CLPTM1: variants seen among roughly 807,000 people sequenced by gnomAD.
The protein encoded by CLPTM1 is CLPTM1 regulator of GABA type A receptor forward trafficking, also known as putative lipid scramblase CLPTM1.
A neutral mutation model predicts 77.3 loss-of-function variants in CLPTM1; 21 were observed. The observed-to-expected ratio is 0.27, with a 90% CI of 0.19 to 0.39. CLPTM1 has a LOEUF of 0.39. CLPTM1 is among the 10% of genes least tolerant of loss of function. The pLI is 1.00. For synonymous variants in CLPTM1, 373 were observed against 381.0 expected (o/e 0.98, Z 0.24); for missense variants, 642 against 921.2 (o/e 0.70, Z 3.92).
At chr19:44,972,499 T>A (rs1488628163) in intron 2 of CLPTM1, among the ~76,000 whole-genome samples, 1 of 152,190 alleles carries the variant, frequency 6.6e-6, no homozygotes, top group Non-Finnish European at 1.5e-5. Flanking sequence ...TCCGCCCGCC[T>A]TGGCCTCCCA....
intron 2 of CLPTM1, among the ~76,000 whole-genome samples, chr19:44,966,690 G>GGT (rs1970634916): frequency 6.6e-6 from 1 of 151,984 alleles, no homozygotes; most frequent in Non-Finnish European, 1.5e-5. Context: ...ATTAGCTCAG[G>GGT]GTGCATCAGA....
At chr19:44,959,072 T>C (rs773567063) in intron 1 of CLPTM1, among the ~76,000 whole-genome samples, 8 of 152,230 alleles carry the variant, frequency 5.3e-5, no homozygotes, top group Non-Finnish European at 1.0e-4. Flanking sequence ...GTTGTTCCTT[T>C]TCACTGCTCA....
chr19:44,988,047 G>A (rs1368249059), intron 8 of CLPTM1, 33 bp from the exon 9 acceptor site: 1 of 1,517,384 alleles, frequency 6.6e-7, no homozygotes, highest in African/African-American at 1.4e-5. Flanking sequence ...CTCCTGGGTG[G>A]GGACAGGCTG....
chr19:44,978,601 C>G (rs1458704398), intron 5 of CLPTM1, among the ~76,000 whole-genome samples: 1 of 151,040 alleles, frequency 6.6e-6, no homozygotes, highest in Non-Finnish European at 1.5e-5. Context: ...CTACAGCTTT[C>G]CAGCCTGGGC....
chr19:44,989,748 C>T (rs952182921), intron 9 of CLPTM1, among the ~76,000 whole-genome samples: 5 of 152,138 alleles, frequency 3.3e-5, no homozygotes, highest in African/African-American at 4.8e-5. Flanking sequence ...GATGCTCAGC[C>T]GGGCGGGGTC....
chr19:44,963,403 G>A (rs1421957120), intron 2 of CLPTM1, among the ~76,000 whole-genome samples: 3 of 147,718 alleles, frequency 2.0e-5, no homozygotes, highest in African/African-American at 7.5e-5. Flanking sequence ...TTGGCTCACT[G>A]CAAGCTCCGC....
At chr19:44,955,629 G>A (rs1970451077) in intron 1 of CLPTM1, 162 bp downstream of exon 1, 3 of 643,540 alleles carry the variant, frequency 4.7e-6, no homozygotes, top group African/African-American at 3.8e-5. Flanking sequence ...CCGGGAGGCC[G>A]GACGGTGCCG....
rs1237291535 is a variant in CLPTM1 at position 44,973,337 on chromosome 19, C to T, written c.309+127C>T. On this transcript the variant is annotated intron_variant, in intron 3 of 13. Coordinates refer to ENST00000337392, the MANE Select transcript of CLPTM1 (RefSeq NM_001294.4). Reference sequence around the variant, plus strand: ...CACTGGCAGGTCTAGGAAAACAGGTCCAGGGTTGAGGAACTCTGGGCCCAT... The same window carrying T: ...CACTGGCAGGTCTAGGAAAACAGGTTCAGGGTTGAGGAACTCTGGGCCCAT... 1.1e-5 allele frequency: 14 copies of T among 1,315,970 alleles called. 1 individual carries two copies. In the South Asian group the frequency reaches 1.6e-4, roughly 15 times the overall value. The allele number at this position is 1,315,970 out of a possible 1,614,324, so 81.5% of individuals were successfully genotyped here.
chr19:44,990,815 G>A lies in CLPTM1; in HGVS notation c.1324-35G>A, dbSNP rs760862448. 3.1e-5 allele frequency: 48 copies of A among 1,557,560 alleles called. No homozygotes were observed. In the East Asian group the frequency reaches 3.8e-4, roughly 12 times the overall value. On this transcript the variant is annotated intron_variant, in intron 10 of 13. Coordinates refer to ENST00000337392, the MANE Select transcript of CLPTM1 (RefSeq NM_001294.4). The surrounding 1 kb of genome is among the most constrained non-coding windows in gnomAD (Gnocchi z 4.8). ...TCTGGCTTGTGGGGTGGGAGCCAGC[G>A]TAGCAACTGACCATGGCACCCACCT...
rs1971088181 is a variant in CLPTM1, at chr19:44,992,348, C to T, written c.1671C>T (p.Phe557=). 1.2e-6 allele frequency: 2 copies of T among 1,614,162 alleles called. No homozygotes were observed. Among genetic ancestry groups the T allele is most frequent in the Non-Finnish European group, 1.7e-6 (2 of 1,180,004 alleles). The part of the protein sequence containing the change: ...KALNTFIDDL[F]AFVIKMPVMY... ...TCAACACATTCATCGACGACCTGTT[C>T]GCCTTTGTCATCAAGATGCCCGTTA... Residue 557 remains phenylalanine (F), a synonymous_variant, in exon 13 of 14, where the codon TTC becomes TTT. Coordinates refer to ENST00000337392, the MANE Select transcript of CLPTM1 (RefSeq NM_001294.4). The surrounding 1 kb of genome is among the most constrained non-coding windows in gnomAD (Gnocchi z 7.7).
intron 2 of CLPTM1, among the ~76,000 whole-genome samples, chr19:44,965,598 G>A (rs1301403553): frequency 1.3e-5 from 2 of 152,090 alleles, no homozygotes; most frequent in Admixed American, 6.6e-5. Flanking sequence ...CAGATCACGA[G>A]GTCAGGAGAT....
At chr19:44,988,267 C>T in intron 9 of CLPTM1, 94 bp downstream of exon 9, 1 of 933,524 alleles carries the variant, frequency 1.1e-6, no homozygotes, top group South Asian at 1.3e-5. Context: ...ACATGTCCTC[C>T]CCCTGCCTGG....
At chr19:44,954,860 A>G (rs144553926), upstream of CLPTM1, 10 of 1,210,212 alleles carry the variant, frequency 8.3e-6, no homozygotes, top group African/African-American at 9.2e-5. Flanking sequence ...GACTTGAACG[A>G]AAGAGTTGTC....
At chr19:44,986,939 A>C in intron 7 of CLPTM1, 1 of 569,172 alleles carries the variant, frequency 1.8e-6, no homozygotes, top group Non-Finnish European at 3.1e-6. Flanking sequence ...CCCACAGGGC[A>C]GCCGTGGGCT....
At chr19:44,967,473 A>G (rs1414246069) in intron 2 of CLPTM1, among the ~76,000 whole-genome samples, 2 of 152,146 alleles carry the variant, frequency 1.3e-5, no homozygotes, top group Non-Finnish European at 2.9e-5. Flanking sequence ...AGCCTGACCA[A>G]CATGGAGAAA....
intron 8 of CLPTM1, 90 bp from the exon 9 acceptor site, chr19:44,987,990 A>C (rs1337478981): frequency 1.1e-6 from 1 of 945,762 alleles, no homozygotes; most frequent in African/African-American, 1.6e-5. Flanking sequence ...GCCTCCCTCT[A>C]CAGGCGGCCC....
At position 44,992,439 on chromosome 19, in the gene CLPTM1, A is replaced by G; in HGVS notation, c.1723+39A>G. On this transcript the variant is annotated intron_variant, in intron 13 of 13. Transcript: ENST00000337392. The surrounding 1 kb of genome is among the most constrained non-coding windows in gnomAD (Gnocchi z 7.7). ...GGCAGGTGGGAGCTCCCACCGGAAC[A>G]GGGCCCTGAGGCAGTCTTTAGGGCC... 1 of 1,612,250 alleles carries G rather than the reference A, an allele frequency of 6.2e-7. No individual in the cohort carries two copies. The highest frequency in any genetic ancestry group is 8.5e-7 in the Non-Finnish European group (1 of 1,178,804).
intron 1 of CLPTM1, among the ~76,000 whole-genome samples, chr19:44,960,897 GA>G (rs1342552708): frequency 1.2e-4 from 19 of 152,278 alleles, no homozygotes; most frequent in African/African-American, 3.4e-4. Flanking sequence ...TGGCTGAGGG[GA>G]CAGCTGGGAG....
chr19:44,966,417 A>AC (rs1302547247), intron 2 of CLPTM1, among the ~76,000 whole-genome samples: 3 of 109,470 alleles, frequency 2.7e-5, no homozygotes, highest in African/African-American at 1.2e-4. Context: ...TCTCAAAAAT[A>AC]AAAAAGTGTA....
Sources: gnomAD v4.1 joint callset for allele counts (sites outside exome capture counted in the v4.1 genomes callset) on GRCh38, gnomAD v4.1.1 for gene constraint, Gnocchi (gnomAD v3.1) non-coding constraint, MANE v1.5 for transcripts, NCBI Gene and HGNC (gene_info 2026-07-23, HGNC 2026-07-21) for gene names.